FMO1: variants seen among roughly 807,000 people sequenced by gnomAD.
FMO1 encodes the protein flavin containing dimethylaniline monoxygenase 1, also known as flavin-containing monooxygenase 1.
In FMO1, 36 loss-of-function variants were observed where a neutral mutation model predicts 45.4. The observed-to-expected ratio is 0.79, with a 90% CI of 0.61 to 1.05. The LOEUF (loss-of-function observed/expected upper bound fraction) is 1.05. Among genes scored for constraint, FMO1 ranks in the 50% least tolerant of loss-of-function variants. FMO1 has a pLI of 0.00. For synonymous variants in FMO1, 228 were observed against 227.2 expected (o/e 1.00, Z -0.03); for missense variants, 615 against 640.3 (o/e 0.96, Z 0.43).
chr1:171,257,195 T>C (rs1660195395), intron 1 of FMO1, among the ~76,000 whole-genome samples: 1 of 152,180 alleles, frequency 6.6e-6, no homozygotes, highest in Non-Finnish European at 1.5e-5. Flanking sequence ...AAGATTACAC[T>C]GTCGTAACTG....
chr1:171,277,191 C>G (rs925011151), intron 4 of FMO1, among the ~76,000 whole-genome samples: 1 of 152,164 alleles, frequency 6.6e-6, no homozygotes, highest in East Asian at 1.9e-4. Flanking sequence ...TGACTTACAG[C>G]AGACTTGCTT....
intron 4 of FMO1, among the ~76,000 whole-genome samples, chr1:171,275,796 C>T (rs1198488021): frequency 6.6e-6 from 1 of 152,110 alleles, no homozygotes. Flanking sequence ...ACTGGTAGCA[C>T]TCAGAAAGTC....
intron 1 of FMO1, chr1:171,254,021 C>G (rs1452966241): frequency 6.6e-6 from 1 of 152,098 alleles, no homozygotes; most frequent in Non-Finnish European, 1.5e-5. Context: ...TTTGGACTAG[C>G]CAATAAAAGG....
chr1:171,266,441 C>A (rs1278334917), intron 2 of FMO1, among the ~76,000 whole-genome samples: 1 of 152,184 alleles, frequency 6.6e-6, no homozygotes, highest in African/African-American at 2.4e-5. Flanking sequence ...AAATAGTCAT[C>A]TTTCGCAAGC....
chr1:171,282,459 A>G, intron 7 of FMO1, 126 bp downstream of exon 7: 2 of 653,964 alleles, frequency 3.1e-6, no homozygotes, highest in Non-Finnish European at 5.3e-6. Context: ...AGCAGGATGC[A>G]TTCTATTGTT....
chr1:171,273,285 C>T (rs866763901), intron 3 of FMO1, among the ~76,000 whole-genome samples: 21 of 152,142 alleles, frequency 1.4e-4, no homozygotes, highest in African/African-American at 4.6e-4. Context: ...GTAAATTGCC[C>T]AGTCTCTAGT....
chr1:171,283,815 T>C (rs28360427), intron 8 of FMO1, among the ~76,000 whole-genome samples: 2,058 of 152,336 alleles, frequency 0.014, 41 homozygotes, highest in African/African-American at 0.045. Context: ...CATTTACATA[T>C]TGTCAATGGC....
In FMO1 at chr1:171,285,415, C is replaced by T. The variant is rs777998663; in HGVS notation, c.1470C>T (p.Thr490=). Residue 490 remains threonine (T), a synonymous_variant, in exon 9 of 9, where the codon ACC becomes ACT. Coordinates refer to ENST00000617670, the MANE Select transcript of FMO1 (RefSeq NM_001282693.2). Reference sequence around the variant, plus strand: ...AAGGAGCCAGAAATGCCATCATGACCCAGTGGGACCGAACATTCAAGGTCA... The same window carrying T: ...AAGGAGCCAGAAATGCCATCATGACTCAGTGGGACCGAACATTCAAGGTCA... The part of the protein sequence containing the change: ...KWEGARNAIM[T]QWDRTFKVIK... 4 of 1,611,956 alleles carry T rather than the reference C, an allele frequency of 2.5e-6. No homozygotes were observed. The highest frequency in any genetic ancestry group is 3.4e-6 in the Non-Finnish European group (4 of 1,179,106).
intron 4 of FMO1, among the ~76,000 whole-genome samples, chr1:171,275,917 A>G (rs1661088905): frequency 1.3e-5 from 2 of 151,970 alleles, no homozygotes; most frequent in Admixed American, 6.6e-5. Flanking sequence ...GAAAAAAGTA[A>G]TTTTTTCTAT....
At chr1:171,252,852 T>G (rs1215762308) in intron 1 of FMO1, among the ~76,000 whole-genome samples, 1 of 152,192 alleles carries the variant, frequency 6.6e-6, no homozygotes, top group Admixed American at 6.5e-5. Context: ...GTCTGGGGCT[T>G]CAGGAATATG....
At chr1:171,281,684 A>T (rs1417325780) in intron 6 of FMO1, among the ~76,000 whole-genome samples, 1 of 152,112 alleles carries the variant, frequency 6.6e-6, no homozygotes, top group Non-Finnish European at 1.5e-5. Context: ...TCTCAGCCCC[A>T]CTCTAGAATG....
intron 7 of FMO1, 145 bp downstream of exon 7, chr1:171,282,478 T>C (rs878917437): frequency 2.7e-5 from 16 of 599,812 alleles, no homozygotes; most frequent in Middle Eastern, 4.4e-4. Context: ...TTTGCTGAAT[T>C]ATACTGTCAT....
chr1:171,265,490 TAG>T lies in FMO1; in HGVS notation c.133-2050_133-2049del, dbSNP rs1284988192. Reference sequence around the variant, plus strand: ...ATACAAAATGTAAATTTGAAATTTATAGAGTCAGAAATTATAAAATTAATTTC... The same window carrying T: ...ATACAAAATGTAAATTTGAAATTTATAGTCAGAAATTATAAAATTAATTTC... On this transcript the variant is annotated intron_variant, in intron 2 of 8. Transcript: ENST00000617670. Among the ~76,000 whole-genome samples the T allele has an allele frequency of 6.6e-5, 10 of 151,580 alleles. No homozygotes were observed. The South Asian group carries it at 1.3e-3, about 19-fold the overall frequency.
In FMO1 at chr1:171,282,230, T is replaced by A. The variant is rs1227495769; in HGVS notation, c.1080T>A (p.His360Gln). 2 of 1,613,892 alleles carry A rather than the reference T, an allele frequency of 1.2e-6. No homozygotes were observed. The change falls in exon 7 of 9, where the codon CAT (histidine) becomes CAA (glutamine). Residue 360 changes from histidine to glutamine, a missense_variant. Transcript: ENST00000617670. ...ASLYKYIFPA[H>Q]LQKPTLAIIG... is the part of the protein sequence containing the mutation. ...TGTACAAGTATATCTTCCCTGCACA[T>A]CTGCAAAAGCCAACCCTGGCCATTA... is the stretch of plus-strand genomic sequence containing the variant.
Position 171,285,572 on chromosome 1 carries a change from A to C in FMO1, c.*28A>C, listed in dbSNP as rs966590580. On this transcript the variant is annotated 3_prime_UTR_variant, in exon 9 of 9. Coordinates refer to ENST00000617670, the MANE Select transcript of FMO1 (RefSeq NM_001282693.2). ...AAAAGATCTCCTAAATGGAAGATGC[A>C]CAGAGTAGATTTACAATGCTCCAAT... 3.8e-6 allele frequency: 5 copies of C among 1,311,520 alleles called. No individual in the cohort carries two copies. In the East Asian group the frequency reaches 7.1e-5, roughly 19 times the overall value. 81.2% of individuals were successfully genotyped at this position (1,311,520 alleles called of 1,614,324 possible).
At position 171,264,335 on chromosome 1, in the gene FMO1, T is replaced by TAC. The variant is rs199581410; in HGVS notation, c.133-3192_133-3191dup. ...TAATTTGTGTGTGTGTATATATATA[T>TAC]ACACACACACACACACATTTATATA... On this transcript the variant is annotated intron_variant, in intron 2 of 8. Coordinates refer to ENST00000617670, the MANE Select transcript of FMO1 (RefSeq NM_001282693.2). 2.4e-3 allele frequency among the ~76,000 whole-genome samples: 348 copies of TAC among 147,916 alleles called. 1 individual carries two copies. The highest frequency in any genetic ancestry group is 6.6e-3 in the African/African-American group (268 of 40,648).
intron 2 of FMO1, among the ~76,000 whole-genome samples, chr1:171,262,135 A>G (rs1660402574): frequency 6.6e-6 from 1 of 152,230 alleles, no homozygotes; most frequent in Non-Finnish European, 1.5e-5. Flanking sequence ...TTGGAGAATT[A>G]GAAAAATAGA....
At chr1:171,255,480 T>G (rs1202273355) in intron 1 of FMO1, among the ~76,000 whole-genome samples, 1 of 152,222 alleles carries the variant, frequency 6.6e-6, no homozygotes, top group Admixed American at 6.5e-5. Flanking sequence ...CTCCAGGCAC[T>G]TGGAGTAGGT....
chr1:171,284,182 AAAAAAC>A (rs369962685), intron 8 of FMO1, among the ~76,000 whole-genome samples: 4,076 of 98,666 alleles, frequency 0.041, 182 homozygotes, highest in African/African-American at 0.25. Flanking sequence ...GGCAAAAAAA[AAAAAAC>A]AAAAAACAGC....
Sources: allele counts gnomAD v4.1 joint callset (sites outside exome capture counted in the v4.1 genomes callset), GRCh38; gene constraint gnomAD v4.1.1; transcripts MANE v1.5; gene names NCBI Gene and HGNC (gene_info 2026-07-23, HGNC 2026-07-21).